Variants in TSPEAR observed in about 807,000 individuals in gnomAD.
The protein encoded by TSPEAR is thrombospondin-type laminin G domain and EAR repeat-containing protein.
A neutral mutation model predicts 71.6 loss-of-function variants in TSPEAR; 69 were observed. The ratio of observed to expected loss-of-function variants is 0.96; its 90% CI spans 0.79 to 1.18. TSPEAR has a LOEUF of 1.18. Among genes scored for constraint, TSPEAR ranks in the 50% most tolerant of loss-of-function variants. TSPEAR has a pLI of 0.00. For missense variants in TSPEAR, 971 were observed against 894.9 expected, an observed-to-expected ratio of 1.09 and a Z score of -1.09; for synonymous variants, 402 against 387.2, an observed-to-expected ratio of 1.04 and a Z score of -0.45.
intron 1 of TSPEAR, among the ~76,000 whole-genome samples, chr21:44,631,252 TAAAG>T (rs1555935670): frequency 6.6e-6 from 1 of 151,814 alleles, no homozygotes; most frequent in Non-Finnish European, 1.5e-5. Context: ...AGAATATCAA[TAAAG>T]AGAGAGATTA....
chr21:44,500,648 A>G (rs1396040026), intron 11 of TSPEAR, among the ~76,000 whole-genome samples: 3 of 152,158 alleles, frequency 2.0e-5, no homozygotes, highest in African/African-American at 4.8e-5. Context: ...CCCCCAACCC[A>G]CTCCACTGCC....
intron 9 of TSPEAR, among the ~76,000 whole-genome samples, chr21:44,514,833 ATCAAACCACCT>A (rs2052508402): frequency 1.3e-5 from 2 of 152,174 alleles, no homozygotes; most frequent in African/African-American, 2.4e-5. Context: ...AGAATGGGAC[ATCAAACCACCT>A]TCCCCAGGGT....
intron 8 of TSPEAR, 100 bp from the exon 9 acceptor site, chr21:44,522,212 C>T (rs587679999): frequency 3.7e-5 from 46 of 1,234,646 alleles, no homozygotes; most frequent in African/African-American, 3.4e-4. Context: ...TCCCCGAGGA[C>T]CGAAGACCCA....
At chr21:44,600,572 A>C (rs1367196822) in intron 1 of TSPEAR, 136 of 1,344,678 alleles carry the variant, frequency 1.0e-4, no homozygotes, top group Non-Finnish European at 1.2e-4. Context: ...TCACTCACTC[A>C]TTCACTCACT....
Position 44,499,300 on chromosome 21 carries a change from G to A in TSPEAR, c.*483C>T, listed in dbSNP as rs1398720355. 6.5e-6 allele frequency: 1 copy of A among 153,346 alleles called. No homozygotes were observed. Among genetic ancestry groups the A allele is most frequent in the Admixed American group, 6.5e-5 (1 of 15,350 alleles). The allele number at this position is 153,346 out of a possible 1,614,324, so 9.5% of individuals were successfully genotyped here. A position where few individuals can be genotyped will look rare whatever the true frequency, so the allele number is the denominator to read the frequency against. On this transcript the variant is annotated 3_prime_UTR_variant, in exon 12 of 12. Coordinates refer to ENST00000323084, the MANE Select transcript of TSPEAR (RefSeq NM_144991.3). ...CCGCTGCCTAGAGAGGAGCACCGGTGCTTTTGTAAAGAGCAGTATAAATAC... is the reference window on the plus strand; with the variant it reads ...CCGCTGCCTAGAGAGGAGCACCGGTACTTTTGTAAAGAGCAGTATAAATAC...
chr21:44,504,509 G>A (rs1397480329), intron 11 of TSPEAR, among the ~76,000 whole-genome samples: 14 of 147,102 alleles, frequency 9.5e-5, no homozygotes, highest in Non-Finnish European at 2.1e-4. Context: ...GGGGAAGCAA[G>A]GCTCTGGGAG....
At chr21:44,524,903 T>C (rs2052818148) in intron 8 of TSPEAR, among the ~76,000 whole-genome samples, 1 of 151,762 alleles carries the variant, frequency 6.6e-6, no homozygotes, top group Middle Eastern at 3.4e-3. Flanking sequence ...AATCAGTCAG[T>C]CAGTCAGATA....
At chr21:44,709,429 T>TC (rs1195095797) in intron 1 of TSPEAR, among the ~76,000 whole-genome samples, 1 of 152,078 alleles carries the variant, frequency 6.6e-6, no homozygotes, top group Admixed American at 6.5e-5. Context: ...GCCCACAACT[T>TC]CCCCAAAGCC....
At chr21:44,541,545 T>C (rs1555917234) in intron 2 of TSPEAR, among the ~76,000 whole-genome samples, 1 of 152,220 alleles carries the variant, frequency 6.6e-6, no homozygotes, top group African/African-American at 2.4e-5. Flanking sequence ...CCAATATTCC[T>C]TGTGGATTTT....
chr21:44,706,373 A>C (rs1290440023), intron 1 of TSPEAR, among the ~76,000 whole-genome samples: 10 of 150,164 alleles, frequency 6.7e-5, no homozygotes, highest in Non-Finnish European at 1.2e-4. Context: ...ACGCCCATGC[A>C]CGCACACACG....
At chr21:44,675,527 A>AT (rs34151967) in intron 1 of TSPEAR, among the ~76,000 whole-genome samples, 22,294 of 150,708 alleles carry the variant, frequency 0.15, 1,741 homozygotes, top group Non-Finnish European at 0.17. Flanking sequence ...ACAAGGATGC[A>AT]TTTTTTTTTT....
intron 1 of TSPEAR, among the ~76,000 whole-genome samples, chr21:44,581,690 C>T (rs1172683163): frequency 2.6e-5 from 4 of 152,374 alleles, no homozygotes; most frequent in Admixed American, 6.5e-5. Context: ...AAAAATAACT[C>T]ATCTCTCAAG....
At chr21:44,543,059 A>C (rs868924917) in intron 2 of TSPEAR, among the ~76,000 whole-genome samples, 1 of 152,150 alleles carries the variant, frequency 6.6e-6, no homozygotes, top group African/African-American at 2.4e-5. Context: ...ATTCCCCCAA[A>C]TGAGAACAGA....
In TSPEAR at chr21:44,612,466, G is replaced by T. The variant is rs1157721154; in HGVS notation, c.83-44461C>A. 1.3e-6 allele frequency: 2 copies of T among 1,596,146 alleles called. No individual in the cohort carries two copies. Among genetic ancestry groups the T allele is most frequent in the Non-Finnish European group, 8.5e-7 (1 of 1,173,180 alleles). On this transcript the variant is annotated intron_variant, in intron 1 of 11. Coordinates refer to ENST00000323084, the MANE Select transcript of TSPEAR (RefSeq NM_144991.3). This position sits in a 1 kb window ranked among gnomAD's most constrained non-coding sequence, Gnocchi z 4.1. ...GCCAACAGGCCTGCTGTGTGCCTGT[G>T]TGCTGCAAGTCCAACTGCTGCAAGC... is the stretch of plus-strand genomic sequence containing the variant.
At position 44,711,402 on chromosome 21, in the gene TSPEAR, C is replaced by A. The variant is rs1441561851; in HGVS notation, c.82+31G>T. ...CCCTCCCAGCTCCCCGGCAAGATAC[C>A]CCCGCCCGAGTTCCCATGCCCCTGC... On this transcript the variant is annotated intron_variant, in intron 1 of 11. Transcript: ENST00000323084. The surrounding 1 kb of genome is among the most constrained non-coding windows in gnomAD (Gnocchi z 4.5). The A allele has an allele frequency of 3.8e-6, 6 of 1,560,396 alleles. No individual in the cohort carries two copies. Among genetic ancestry groups the A allele is most frequent in the Admixed American group, 1.9e-5 (1 of 52,200 alleles).
chr21:44,666,349 C>G, intron 1 of TSPEAR: 1 of 1,318,770 alleles, frequency 7.6e-7, no homozygotes, highest in Non-Finnish European at 1.0e-6. Flanking sequence ...ATGCTTTTCA[C>G]CTGCACCATG....
chr21:44,552,475 T>C (rs1050948523), intron 2 of TSPEAR, among the ~76,000 whole-genome samples: 1 of 152,112 alleles, frequency 6.6e-6, no homozygotes, highest in Admixed American at 6.5e-5. Context: ...GCTTTCATGG[T>C]GGCCCAGAAA....
chr21:44,711,457 T>G lies in TSPEAR; in HGVS notation c.58A>C (p.Thr20Pro), dbSNP rs1390712400. The change falls in exon 1 of 12, where the codon ACG becomes CCG. Residue 20 changes from threonine (T) to proline (P), a missense_variant. Physicochemically the swap from Thr to Pro is conservative, Grantham distance 38 (BLOSUM62 -1). Coordinates refer to ENST00000323084, the MANE Select transcript of TSPEAR (RefSeq NM_144991.3). This position sits in a 1 kb window ranked among gnomAD's most constrained non-coding sequence, Gnocchi z 4.5. Reference protein sequence around the residue: ...VLPLAAPGHGTQGWEPCTDLR... With the variant: ...VLPLAAPGHGPQGWEPCTDLR... ...CCTGTGCAGGGCTCCCAACCCTGCG[T>G]GCCGTGGCCGGGGGCCGCCAGGGGC... 1.2e-6 allele frequency: 2 copies of G among 1,610,482 alleles called. No individual in the cohort carries two copies. The highest frequency in any genetic ancestry group is 4.5e-5 in the East Asian group (2 of 44,756).
intron 2 of TSPEAR, chr21:44,539,870 G>A: frequency 1.9e-6 from 3 of 1,579,228 alleles, no homozygotes; most frequent in African/African-American, 1.4e-5. Flanking sequence ...CTGCTGGCAG[G>A]GGGAGGAGGT....
Sources: allele counts gnomAD v4.1 joint callset (sites outside exome capture counted in the v4.1 genomes callset), GRCh38; gene constraint gnomAD v4.1.1; non-coding constraint Gnocchi (gnomAD v3.1); transcripts MANE v1.5; gene names NCBI Gene and HGNC (gene_info 2026-07-23, HGNC 2026-07-21).